Variants in CERS6 observed in about 807,000 individuals in gnomAD.
CERS6 encodes LAG1 homolog, ceramide synthase 6.
CERS6 carries 26 observed loss-of-function variants against 56.8 expected under a neutral mutation model. The ratio of observed to expected loss-of-function variants is 0.46; its 90% CI spans 0.34 to 0.63. The LOEUF (loss-of-function observed/expected upper bound fraction) is 0.63, where lower values mean the gene tolerates loss of function less well. Among genes scored for constraint, CERS6 ranks in the 30% least tolerant of loss-of-function variants. The pLI is 0.01. For synonymous variants in CERS6, 164 were observed against 173.3 expected, an observed-to-expected ratio of 0.95 and a Z score of 0.42; for missense variants, 415 against 467.5, an observed-to-expected ratio of 0.89 and a Z score of 1.04.
chr2:168,510,398 C>T (rs1165814602), intron 1 of CERS6, among the ~76,000 whole-genome samples: 2 of 152,110 alleles, frequency 1.3e-5, no homozygotes, highest in Non-Finnish European at 2.9e-5. Context: ...TTTCTATATT[C>T]GGATGTGTTT....
intron 4 of CERS6, among the ~76,000 whole-genome samples, chr2:168,637,175 A>G (rs1240759088): frequency 6.6e-6 from 1 of 152,158 alleles, no homozygotes; most frequent in African/African-American, 2.4e-5. Flanking sequence ...AACTCCTATG[A>G]ACTTATCTTT....
intron 8 of CERS6, among the ~76,000 whole-genome samples, chr2:168,751,864 A>G (rs1203227104): frequency 6.6e-6 from 1 of 152,166 alleles, no homozygotes; most frequent in Non-Finnish European, 1.5e-5. Flanking sequence ...TCCCTTGTGT[A>G]TACCCTTTGC....
At chr2:168,501,514 A>C (rs1017098514) in intron 1 of CERS6, among the ~76,000 whole-genome samples, 1 of 152,202 alleles carries the variant, frequency 6.6e-6, no homozygotes, top group African/African-American at 2.4e-5. Flanking sequence ...AGTTCCCCCT[A>C]TAATGAGGTC....
rs978144889 is a variant in CERS6 at position 168,760,201 on chromosome 2, T to G, written c.846-5391T>G. Among the ~76,000 whole-genome samples the G allele has an allele frequency of 2.6e-5, 4 of 152,132 alleles. No homozygotes were observed. In the East Asian group the frequency reaches 7.7e-4, roughly 29 times the overall value. On this transcript the variant is annotated intron_variant, in intron 8 of 9. Transcript: ENST00000305747. ...ATACAGGAGTTTATTAAGTATTAAC[T>G]TACACGATCACAAGGTCCCACAGTA...
In CERS6 at chr2:168,456,764, C is replaced by A. The variant is rs1693670530; in HGVS notation, c.170+146C>A. 1 of 721,856 alleles carries A rather than the reference C, an allele frequency of 1.4e-6. No individual in the cohort carries two copies. The highest frequency in any genetic ancestry group is 2.2e-6 in the Non-Finnish European group (1 of 446,678). 44.7% of individuals were successfully genotyped at this position (721,856 alleles called of 1,614,324 possible). ...TTGTGTTCGGGGAGGGGTTGCTGAC[C>A]CCCCTGCCCCGCTGGCTTTCTGGGA... On this transcript the variant is annotated intron_variant, in intron 1 of 9. Coordinates refer to ENST00000305747, the MANE Select transcript of CERS6 (RefSeq NM_203463.3). This position sits in a 1 kb window ranked among gnomAD's most constrained non-coding sequence, Gnocchi z 4.1.
At chr2:168,527,947 C>T (rs34789134) in intron 1 of CERS6, among the ~76,000 whole-genome samples, 2 of 152,030 alleles carry the variant, frequency 1.3e-5, no homozygotes, top group African/African-American at 4.8e-5. Context: ...TCTCAAACTC[C>T]TGAGCTTGAG....
chr2:168,746,815 ATATAT>A (rs1684117191), intron 8 of CERS6, among the ~76,000 whole-genome samples: 3 of 112,620 alleles, frequency 2.7e-5, no homozygotes, highest in African/African-American at 7.3e-5. Context: ...ATATATATAT[ATATAT>A]AAAATCATCT....
chr2:168,536,506 A>G (rs1695266971), intron 1 of CERS6, among the ~76,000 whole-genome samples: 1 of 152,190 alleles, frequency 6.6e-6, no homozygotes, highest in Non-Finnish European at 1.5e-5. Flanking sequence ...GCTTCACTAT[A>G]GTAGCCATTT....
chr2:168,598,340 A>G (rs1377511452), intron 3 of CERS6, among the ~76,000 whole-genome samples: 1 of 152,112 alleles, frequency 6.6e-6, no homozygotes, highest in Non-Finnish European at 1.5e-5. Flanking sequence ...TTTTGGGGGG[A>G]AGAGAAAACA....
intron 1 of CERS6, among the ~76,000 whole-genome samples, chr2:168,513,824 T>G (rs1694838625): frequency 6.6e-6 from 1 of 152,172 alleles, no homozygotes; most frequent in African/African-American, 2.4e-5. Context: ...TTGTTGCTCC[T>G]GAGGCTGTTG....
intron 3 of CERS6, among the ~76,000 whole-genome samples, chr2:168,599,706 A>G (rs538327617): frequency 2.0e-5 from 3 of 152,316 alleles, no homozygotes; most frequent in African/African-American, 4.8e-5. Context: ...GGTTATATAT[A>G]TAGTTTGAGG....
At chr2:168,704,886 C>G (rs1039613141) in intron 6 of CERS6, among the ~76,000 whole-genome samples, 1 of 152,212 alleles carries the variant, frequency 6.6e-6, no homozygotes, top group Non-Finnish European at 1.5e-5. Context: ...GCGTGAGCCT[C>G]CGCACCCGGC....
intron 4 of CERS6, among the ~76,000 whole-genome samples, chr2:168,673,282 G>A (rs10490710): frequency 0.038 from 5,774 of 152,220 alleles, 266 homozygotes; most frequent in African/African-American, 0.11. Flanking sequence ...CAACATTACA[G>A]AATTGCACAA....
chr2:168,639,759 A>G (rs147061262), intron 4 of CERS6, among the ~76,000 whole-genome samples: 1 of 152,252 alleles, frequency 6.6e-6, no homozygotes, highest in East Asian at 1.9e-4. Flanking sequence ...TGCTCTGATT[A>G]TAGCTCTGTG....
At chr2:168,486,261 T>A (rs1993221) in intron 1 of CERS6, among the ~76,000 whole-genome samples, 11,775 of 152,228 alleles carry the variant, frequency 0.077, 507 homozygotes, top group East Asian at 0.18. Flanking sequence ...TATCAGGTAC[T>A]TGTTTTGCAA....
In CERS6 at chr2:168,694,173, G is replaced by GT. The variant is rs201906314; in HGVS notation, c.517-780dup. Among the ~76,000 whole-genome samples the GT allele has an allele frequency of 2.8e-3, 424 of 152,236 alleles. 1 individual carries two copies. The highest frequency in any genetic ancestry group is 9.7e-3 in the African/African-American group (401 of 41,526). ...CAATTAAAAACAACTCATCACAAAT[G>GT]TTTTTTGAAAACTCTCTTGTTTTTA... On this transcript the variant is annotated intron_variant, in intron 5 of 9. Transcript: ENST00000305747.
chr2:168,711,025 T>A (rs1462253691), intron 6 of CERS6, among the ~76,000 whole-genome samples: 1 of 152,224 alleles, frequency 6.6e-6, no homozygotes, highest in African/African-American at 2.4e-5. Flanking sequence ...GAGACTAGGT[T>A]AATTGAAAAT....
chr2:168,534,069 G>A (rs1302415821), intron 1 of CERS6, among the ~76,000 whole-genome samples: 1 of 151,974 alleles, frequency 6.6e-6, no homozygotes, highest in Non-Finnish European at 1.5e-5. Context: ...AGCTCCATCA[G>A]GTCATTTATG....
At chr2:168,523,251 G>T (rs934408741) in intron 1 of CERS6, among the ~76,000 whole-genome samples, 8 of 152,098 alleles carry the variant, frequency 5.3e-5, no homozygotes, top group Non-Finnish European at 1.5e-5. Flanking sequence ...ATCTTTTACC[G>T]CAAGGAAGGA....
Sources: allele counts gnomAD v4.1 joint callset (sites outside exome capture counted in the v4.1 genomes callset), GRCh38; gene constraint gnomAD v4.1.1; non-coding constraint Gnocchi (gnomAD v3.1); transcripts MANE v1.5; gene names NCBI Gene and HGNC (gene_info 2026-07-23, HGNC 2026-07-21).